The following SERPINI1 variants were observed in gnomAD, a reference collection of about 807,000 sequenced individuals.
SERPINI1 encodes the protein serpin family I member 1, also known as neuroserpin.
Under a neutral mutation model 41.1 loss-of-function variants are expected in SERPINI1, and 19 were observed. The ratio of observed to expected loss-of-function variants is 0.46; its 90% CI spans 0.32 to 0.68. SERPINI1 has a LOEUF of 0.68. Ranked by LOEUF, SERPINI1 falls within the 30% of genes least tolerant of loss-of-function variation. SERPINI1 has a pLI of 0.03. For missense variants in SERPINI1, 460 were observed against 479.2 expected (o/e 0.96, Z 0.37); for synonymous variants, 138 against 156.6 (o/e 0.88, Z 0.89).
At chr3:167,744,811 A>C (rs75876529) in intron 1 of SERPINI1, among the ~76,000 whole-genome samples, 2,487 of 124,626 alleles carry the variant, frequency 0.02, 30 homozygotes, top group Non-Finnish European at 0.025. Flanking sequence ...TAATATATAA[A>C]TATAGTTATA....
chr3:167,788,679 G>A (rs563793964), intron 1 of SERPINI1, among the ~76,000 whole-genome samples: 1 of 152,206 alleles, frequency 6.6e-6, no homozygotes, highest in African/African-American at 2.4e-5. Flanking sequence ...GCTGCAAGGT[G>A]CATTTACTTT....
At chr3:167,763,478 C>G (rs1293962762) in intron 1 of SERPINI1, among the ~76,000 whole-genome samples, 1 of 151,962 alleles carries the variant, frequency 6.6e-6, no homozygotes, top group African/African-American at 2.4e-5. Context: ...CTCCTAGGCT[C>G]AAGCAATCCC....
intron 1 of SERPINI1, among the ~76,000 whole-genome samples, chr3:167,759,865 G>A (rs889958266): frequency 6.6e-6 from 1 of 152,154 alleles, no homozygotes; most frequent in Non-Finnish European, 1.5e-5. Flanking sequence ...AGAAGTCCAA[G>A]TTTTCTCACT....
chr3:167,774,646 T>G lies in SERPINI1; in HGVS notation c.-18-14465T>G, dbSNP rs533047937. Reference sequence around the variant, plus strand: ...CCTCCTGTCAGACCAGCAGCAGCATTAGATTCTCATAGGAGCCTAAACCCT... The same window carrying G: ...CCTCCTGTCAGACCAGCAGCAGCATGAGATTCTCATAGGAGCCTAAACCCT... On this transcript the variant is annotated intron_variant, in intron 1 of 8. Coordinates refer to ENST00000446050, the MANE Select transcript of SERPINI1 (RefSeq NM_001122752.2). Among the ~76,000 whole-genome samples, 7 of 152,294 alleles carry G rather than the reference T, an allele frequency of 4.6e-5. No homozygotes were observed. In the South Asian group the frequency reaches 1.0e-3, roughly 23 times the overall value.
intron 1 of SERPINI1, among the ~76,000 whole-genome samples, chr3:167,771,834 C>CAT (rs1726760216): frequency 7.0e-6 from 1 of 143,710 alleles, no homozygotes; most frequent in African/African-American, 2.6e-5. Flanking sequence ...TGTGTGTGCG[C>CAT]GTGTGTGTGT....
chr3:167,768,472 G>A (rs771580001), intron 1 of SERPINI1, among the ~76,000 whole-genome samples: 2 of 152,054 alleles, frequency 1.3e-5, no homozygotes, highest in Non-Finnish European at 2.9e-5. Context: ...CAGCAATATC[G>A]CTGAGGTATG....
At chr3:167,815,014 C>T (rs1366123823) in intron 6 of SERPINI1, among the ~76,000 whole-genome samples, 3 of 152,178 alleles carry the variant, frequency 2.0e-5, no homozygotes, top group Non-Finnish European at 4.4e-5. Context: ...AAGACAAGCT[C>T]ATCAGTGTAA....
chr3:167,764,469 A>G (rs909030465), intron 1 of SERPINI1, among the ~76,000 whole-genome samples: 1 of 152,180 alleles, frequency 6.6e-6, no homozygotes, highest in African/African-American at 2.4e-5. Context: ...CATGTTCACT[A>G]TCATGAGAAC....
At chr3:167,740,441 C>T (rs1054299043) in intron 1 of SERPINI1, among the ~76,000 whole-genome samples, 2 of 152,150 alleles carry the variant, frequency 1.3e-5, no homozygotes, top group Non-Finnish European at 1.5e-5. Flanking sequence ...GTTTCATTGA[C>T]GTTTGTATTC....
At chr3:167,813,266 C>T (rs1483940716) in intron 6 of SERPINI1, among the ~76,000 whole-genome samples, 1 of 152,218 alleles carries the variant, frequency 6.6e-6, no homozygotes, top group Non-Finnish European at 1.5e-5. Context: ...TTCCTGCCCC[C>T]AGCTGTTTGC....
intron 6 of SERPINI1, among the ~76,000 whole-genome samples, chr3:167,815,908 TACTC>T (rs970256012): frequency 3.2e-4 from 49 of 152,362 alleles, no homozygotes; most frequent in African/African-American, 1.2e-3. Flanking sequence ...CTTACTCTTT[TACTC>T]AATCAGATTT....
chr3:167,821,955 C>T (rs888501045), intron 6 of SERPINI1, among the ~76,000 whole-genome samples: 3 of 152,148 alleles, frequency 2.0e-5, no homozygotes, highest in African/African-American at 7.2e-5. Context: ...AAGGGCCAGT[C>T]TTTGTTTTAT....
intron 7 of SERPINI1, among the ~76,000 whole-genome samples, chr3:167,823,780 T>C (rs1712422938): frequency 6.6e-6 from 1 of 152,318 alleles, no homozygotes; most frequent in Admixed American, 6.5e-5. Context: ...GATAGTATTT[T>C]CCGAAGTAAA....
In SERPINI1 at chr3:167,784,906, C is replaced by T. The variant is rs150474837; in HGVS notation, c.-18-4205C>T. The stretch of plus-strand genomic sequence containing the variant: ...TAAAAAAATATAGATACCTAGGAAA[C>T]ATTTTTTCATAATGTCCTCTGTTAG... On this transcript the variant is annotated intron_variant, in intron 1 of 8. Coordinates refer to ENST00000446050, the MANE Select transcript of SERPINI1 (RefSeq NM_001122752.2). 3.0e-3 allele frequency among the ~76,000 whole-genome samples: 453 copies of T among 152,260 alleles called. 2 individuals carry two copies. The highest frequency in any genetic ancestry group is 0.01 in the African/African-American group (435 of 41,562).
chr3:167,748,752 C>CTGTGTG (rs34438429), intron 1 of SERPINI1, among the ~76,000 whole-genome samples: 9,249 of 143,508 alleles, frequency 0.064, 324 homozygotes, highest in African/African-American at 0.082. Flanking sequence ...GTGTGTTACT[C>CTGTGTG]TGTGTGTGTG....
At chr3:167,760,586 TGTG>T (rs1726345048) in intron 1 of SERPINI1, among the ~76,000 whole-genome samples, 2 of 150,496 alleles carry the variant, frequency 1.3e-5, no homozygotes, top group Non-Finnish European at 3.0e-5. Context: ...TGTGTGTGTG[TGTG>T]TGTGTGTGTG....
chr3:167,756,637 C>G (rs1726201830), intron 1 of SERPINI1, among the ~76,000 whole-genome samples: 1 of 152,070 alleles, frequency 6.6e-6, no homozygotes, highest in African/African-American at 2.4e-5. Flanking sequence ...ATTAAACTTC[C>G]AAATAAACAT....
intron 1 of SERPINI1, among the ~76,000 whole-genome samples, chr3:167,762,159 T>C (rs1359310490): frequency 6.6e-6 from 1 of 152,162 alleles, no homozygotes; most frequent in African/African-American, 2.4e-5. Flanking sequence ...AAAGCATCTG[T>C]ACCCATGTAC....
rs114271283 is a variant in SERPINI1, at chr3:167,760,420, A to G, written c.-19+24597A>G. ...TCATATGCTGTTCTGGCACCAGGGC[A>G]GCAGCATAAGGCATCTGATCAGAGA... is the stretch of plus-strand genomic sequence containing the variant. On this transcript the variant is annotated intron_variant, in intron 1 of 8. Coordinates refer to ENST00000446050, the MANE Select transcript of SERPINI1 (RefSeq NM_001122752.2). Among the ~76,000 whole-genome samples, 257 of 152,060 alleles carry G rather than the reference A, an allele frequency of 1.7e-3. 2 individuals are homozygous for G. Among genetic ancestry groups the G allele is most frequent in the African/African-American group, 5.9e-3 (245 of 41,450 alleles).
Sources: gnomAD v4.1 joint callset for allele counts (sites outside exome capture counted in the v4.1 genomes callset) on GRCh38, gnomAD v4.1.1 for gene constraint, MANE v1.5 for transcripts, NCBI Gene and HGNC (gene_info 2026-07-23, HGNC 2026-07-21) for gene names.